GPC6: variants seen among roughly 807,000 people sequenced by gnomAD.
GPC6 encodes glypican-6.
Under a neutral mutation model 55.2 loss-of-function variants are expected in GPC6, and 14 were observed. The observed-to-expected ratio is 0.25, with a 90% CI of 0.17 to 0.40. The LOEUF is 0.40. Ranked by LOEUF, GPC6 falls within the 10% of genes least tolerant of loss-of-function variation. The pLI, the probability that GPC6 is intolerant of heterozygous loss-of-function variation, is 1.00. For synonymous variants in GPC6, 278 were observed against 259.6 expected (o/e 1.07, Z -0.68); for missense variants, 641 against 708.5 (o/e 0.90, Z 1.08).
intron 1 of GPC6, among the ~76,000 whole-genome samples, chr13:93,444,014 A>G (rs1170849560): frequency 6.6e-6 from 1 of 152,232 alleles, no homozygotes; most frequent in East Asian, 1.9e-4. Flanking sequence ...CCATGACCAT[A>G]GAGAATCAAT....
intron 1 of GPC6, among the ~76,000 whole-genome samples, chr13:93,277,502 C>CA (rs1465230299): frequency 6.6e-6 from 1 of 152,110 alleles, no homozygotes; most frequent in African/African-American, 2.4e-5. Flanking sequence ...TTTCACTTCA[C>CA]AAAAATCTTG....
chr13:94,152,656 T>A (rs190443199), intron 4 of GPC6, among the ~76,000 whole-genome samples: 2 of 149,340 alleles, frequency 1.3e-5, no homozygotes, highest in Admixed American at 1.3e-4. Context: ...AAGCCTACTT[T>A]AAAAAAAAAA....
At chr13:93,633,921 T>G (rs551304288) in intron 2 of GPC6, among the ~76,000 whole-genome samples, 1 of 152,242 alleles carries the variant, frequency 6.6e-6, no homozygotes, top group African/African-American at 2.4e-5. Flanking sequence ...AAAGACCCCA[T>G]AATTTCAATA....
intron 2 of GPC6, among the ~76,000 whole-genome samples, chr13:93,727,061 A>T (rs1005499280): frequency 6.6e-6 from 1 of 152,152 alleles, no homozygotes; most frequent in Non-Finnish European, 1.5e-5. Context: ...TCTTGGGAAA[A>T]GGTTTTAAGG....
intron 6 of GPC6, among the ~76,000 whole-genome samples, chr13:94,338,884 A>G (rs1038266869): frequency 1.3e-5 from 2 of 152,134 alleles, no homozygotes; most frequent in Non-Finnish European, 2.9e-5. Flanking sequence ...TGGCCCTAAT[A>G]TCGAGCTGGT....
chr13:93,819,292 A>T (rs1886965452), intron 2 of GPC6, among the ~76,000 whole-genome samples: 1 of 152,116 alleles, frequency 6.6e-6, no homozygotes, highest in Non-Finnish European at 1.5e-5. Context: ...TTGTTCTTGG[A>T]GTTTTTCCAT....
At chr13:93,422,408 A>T (rs1876955725) in intron 1 of GPC6, among the ~76,000 whole-genome samples, 1 of 152,216 alleles carries the variant, frequency 6.6e-6, no homozygotes, top group Admixed American at 6.5e-5. Context: ...AAACACCCAC[A>T]TAATTACTTT....
intron 2 of GPC6, among the ~76,000 whole-genome samples, chr13:93,762,025 T>G (rs1884969808): frequency 6.6e-6 from 1 of 152,168 alleles, no homozygotes; most frequent in African/African-American, 2.4e-5. Flanking sequence ...CCATTGACTC[T>G]CCTTTTCCCC....
intron 1 of GPC6, among the ~76,000 whole-genome samples, chr13:93,452,311 T>C: frequency 6.6e-6 from 1 of 152,246 alleles, no homozygotes; most frequent in East Asian, 1.9e-4. Flanking sequence ...AGGCATTGTA[T>C]ATTCACTTGT....
intron 3 of GPC6, among the ~76,000 whole-genome samples, chr13:93,990,248 G>A (rs930488206): frequency 5.3e-5 from 8 of 151,710 alleles, no homozygotes; most frequent in African/African-American, 1.9e-4. Context: ...ACATTGAAAG[G>A]ACAGTAATGT....
intron 6 of GPC6, among the ~76,000 whole-genome samples, chr13:94,354,785 A>T (rs1298154523): frequency 3.9e-5 from 6 of 152,264 alleles, no homozygotes; most frequent in Admixed American, 3.9e-4. Flanking sequence ...AGAGCTTACA[A>T]ATTGTCAGCC....
chr13:93,433,296 G>A lies in GPC6; in HGVS notation c.161-111967G>A, dbSNP rs565163240. ...TTACCCCTGCTGGTGGCCCAGTGAG[G>A]GCATAGAGCAAAGCTATGGGCAGGT... On this transcript the variant is annotated intron_variant, in intron 1 of 8. Transcript: ENST00000377047. 2.6e-5 allele frequency among the ~76,000 whole-genome samples: 4 copies of A among 152,254 alleles called. No homozygotes were observed. The South Asian group carries it at 8.3e-4, about 32-fold the overall frequency.
At chr13:93,241,734 C>A (rs1157756436) in intron 1 of GPC6, among the ~76,000 whole-genome samples, 1 of 151,806 alleles carries the variant, frequency 6.6e-6, no homozygotes, top group Non-Finnish European at 1.5e-5. Context: ...CAAAACTCTG[C>A]TTTTCATATT....
chr13:93,766,424 C>T (rs1428612154), intron 2 of GPC6, among the ~76,000 whole-genome samples: 1 of 151,868 alleles, frequency 6.6e-6, no homozygotes, highest in Non-Finnish European at 1.5e-5. Context: ...TAGCATTGTG[C>T]CCATCGTTAA....
chr13:94,163,834 G>A (rs76125086), intron 4 of GPC6, among the ~76,000 whole-genome samples: 2,605 of 152,114 alleles, frequency 0.017, 86 homozygotes, highest in African/African-American at 0.059. Context: ...CACTTGGAAA[G>A]GCATTACATA....
At chr13:93,921,791 C>G (rs1877589453) in intron 3 of GPC6, among the ~76,000 whole-genome samples, 3 of 151,640 alleles carry the variant, frequency 2.0e-5, no homozygotes, top group Admixed American at 2.0e-4. Flanking sequence ...ATTTACATTA[C>G]CAGGTTTCCA....
At chr13:93,877,751 A>T (rs928410095) in intron 3 of GPC6, among the ~76,000 whole-genome samples, 2 of 152,104 alleles carry the variant, frequency 1.3e-5, no homozygotes, top group African/African-American at 4.8e-5. Flanking sequence ...GCTTTGTTAG[A>T]AGAGTTGTAA....
intron 8 of GPC6, among the ~76,000 whole-genome samples, chr13:94,402,651 A>G (rs1376626768): frequency 6.6e-6 from 1 of 152,174 alleles, no homozygotes; most frequent in Non-Finnish European, 1.5e-5. Context: ...AGACTGGGTA[A>G]TTTATAAAGG....
intron 2 of GPC6, among the ~76,000 whole-genome samples, chr13:93,582,710 C>A (rs1304048483): frequency 6.6e-6 from 1 of 152,144 alleles, no homozygotes; most frequent in Admixed American, 6.5e-5. Context: ...ACTGTAACTC[C>A]CAGCCTCTGT....
Sources: allele counts gnomAD v4.1 joint callset (sites outside exome capture counted in the v4.1 genomes callset), GRCh38; gene constraint gnomAD v4.1.1; transcripts MANE v1.5; gene names NCBI Gene and HGNC (gene_info 2026-07-23, HGNC 2026-07-21).